NAA40: variants seen among roughly 807,000 people sequenced by gnomAD.
The protein encoded by NAA40 is N-alpha-acetyltransferase 40.
NAA40 carries 26 observed loss-of-function variants against 36.6 expected under a neutral mutation model. That is an observed-to-expected ratio of 0.71 (90% CI 0.52 to 0.98). NAA40 has a LOEUF of 0.98. NAA40 is among the 50% of genes least tolerant of loss of function. The probability of loss-of-function intolerance (pLI) is 0.00; values close to 1 mark genes in which losing one functional copy is unlikely to be tolerated. For synonymous variants in NAA40, 129 were observed against 108.4 expected (o/e 1.19, Z -1.18); for missense variants, 237 against 306.5 (o/e 0.77, Z 1.69).
chr11:63,943,283 C>T lies in NAA40; in HGVS notation c.7-2557C>T, dbSNP rs545831956. Among the ~76,000 whole-genome samples the T allele has an allele frequency of 3.3e-5, 5 of 152,296 alleles. No individual in the cohort carries two copies. In the East Asian group the frequency reaches 9.6e-4, roughly 29 times the overall value. ...GCAGCCCTGGACACCTTCCATCCGA[C>T]GCTTCTCTGTCCCTCACCTCTGCCT... is the stretch of plus-strand genomic sequence containing the variant. On this transcript the variant is annotated intron_variant, in intron 1 of 7. Transcript: ENST00000377793.
rs1942369626 is a variant in NAA40 at position 63,956,636 on chromosome 11, A to C, written c.*2157A>C. 1 of 152,640 alleles carries C rather than the reference A, an allele frequency of 6.6e-6. No individual in the cohort carries two copies. The highest frequency in any genetic ancestry group is 6.6e-5 in the Admixed American group (1 of 15,248). 9.5% of individuals were successfully genotyped at this position (152,640 alleles called of 1,614,324 possible). On this transcript the variant is annotated 3_prime_UTR_variant, in exon 8 of 8. Transcript: ENST00000377793. The stretch of plus-strand genomic sequence containing the variant: ...GTTGGTCTTGAGCCCATTCATTTCC[A>C]AAACATCCATCTTTCTCCACTTCCC...
At chr11:63,952,979 C>A (rs981267309) in intron 6 of NAA40, 140 bp downstream of exon 6, 12 of 577,588 alleles carry the variant, frequency 2.1e-5, no homozygotes, top group Non-Finnish European at 3.7e-5. Context: ...AGAACCCTCT[C>A]AGTAAGATGC....
intron 2 of NAA40, chr11:63,946,558 T>A: frequency 1.7e-6 from 2 of 1,190,338 alleles, no homozygotes; most frequent in South Asian, 3.5e-5. Context: ...CCACTCATAG[T>A]AAACACTCAT....
intron 2 of NAA40, chr11:63,946,695 G>A: frequency 6.7e-7 from 1 of 1,492,400 alleles, no homozygotes; most frequent in South Asian, 1.2e-5. Context: ...TATGCCCACA[G>A]GCTAATGAGG....
rs532678068 is a variant in NAA40, at chr11:63,955,523, G to A, written c.*1044G>A. 1 of 152,884 alleles carries A rather than the reference G, an allele frequency of 6.5e-6. No individual in the cohort carries two copies. Among genetic ancestry groups the A allele is most frequent in the African/African-American group, 2.4e-5 (1 of 41,596 alleles). The allele number at this position is 152,884 out of a possible 1,614,324, so 9.5% of individuals were successfully genotyped here. On this transcript the variant is annotated 3_prime_UTR_variant, in exon 8 of 8. Transcript: ENST00000377793. ...CCCACAGCCACCCTCCCTCTTCAGA[G>A]AGCCCCCAGCCAGCAGCAGGCCCCT...
chr11:63,946,987 A>C lies in NAA40; in HGVS notation c.139A>C (p.Lys47Gln). 6.2e-7 allele frequency: 1 copy of C among 1,614,170 alleles called. No homozygotes were observed. The highest frequency in any genetic ancestry group is 8.5e-7 in the Non-Finnish European group (1 of 1,179,998). Reference protein sequence around the residue: ...DPLEAFPVFKKYDRNGLNVSI... With the variant: ...DPLEAFPVFKQYDRNGLNVSI... ...TCTGGAGGCTTTCCCAGTGTTCAAG[A>C]AATATGATAGAAACGGGTGAGTCAC... Residue 47 changes from lysine to glutamine, a missense_variant, in exon 3 of 8, where the codon AAA becomes CAA. By Grantham distance (53) the Lys-to-Gln change is moderately conservative. Transcript: ENST00000377793.
chr11:63,946,239 T>C (rs1942184737), intron 2 of NAA40: 2 of 339,526 alleles, frequency 5.9e-6, no homozygotes, highest in Non-Finnish European at 1.1e-5. Context: ...AGGGTCTCAC[T>C]CTGTCATCCA....
At chr11:63,949,057 A>G (rs1209446894) in intron 3 of NAA40, among the ~76,000 whole-genome samples, 3 of 152,120 alleles carry the variant, frequency 2.0e-5, no homozygotes, top group Non-Finnish European at 4.4e-5. Flanking sequence ...ATGGTGGCAC[A>G]TGCCTGTATT....
At position 63,952,447 on chromosome 11, in the gene NAA40, C is replaced by A. The variant is rs778997795; in HGVS notation, c.292C>A (p.Arg98=). The A allele has an allele frequency of 6.2e-7, 1 of 1,614,140 alleles. No homozygotes were observed. Among genetic ancestry groups the A allele is most frequent in the Non-Finnish European group, 8.5e-7 (1 of 1,180,020 alleles). Reference sequence around the variant, plus strand: ...GTGGGGCTGGAAGGACCGAGAGAAACGGGAGGAAATGACAGATGACCGAGC... The same window carrying A: ...GTGGGGCTGGAAGGACCGAGAGAAAAGGGAGGAAATGACAGATGACCGAGC... ...SEWGWKDREK[R]EEMTDDRAWY... The change falls in exon 5 of 8, where the codon CGG becomes AGG. Residue 98 remains arginine, a synonymous_variant. Coordinates refer to ENST00000377793, the MANE Select transcript of NAA40 (RefSeq NM_024771.4).
At position 63,946,416 on chromosome 11, in the gene NAA40, G is replaced by A. The variant is rs190412689; in HGVS notation, c.102+481G>A. ...GACGGGGTTTGGCCTTGTTGCCCAG[G>A]ATGGTCTTGAACTCCTGAGCCCAAG... On this transcript the variant is annotated intron_variant, in intron 2 of 7. Coordinates refer to ENST00000377793, the MANE Select transcript of NAA40 (RefSeq NM_024771.4). The A allele has an allele frequency of 8.7e-5, 46 of 531,718 alleles. No homozygotes were observed. In the East Asian group the frequency reaches 3.8e-3, roughly 44 times the overall value. The allele number at this position is 531,718 out of a possible 1,614,324, so 32.9% of individuals were successfully genotyped here. A position where few individuals can be genotyped will look rare whatever the true frequency, so the allele number is the denominator to read the frequency against.
At chr11:63,940,040 CTTTTTTTT>C (rs10618202) in intron 1 of NAA40, among the ~76,000 whole-genome samples, 19 of 77,754 alleles carry the variant, frequency 2.4e-4, no homozygotes, top group South Asian at 1.3e-3. Flanking sequence ...TGGCTGTATT[CTTTTTTTT>C]TTTTTTTTTT....
intron 2 of NAA40, chr11:63,946,453 C>A: frequency 1.1e-6 from 1 of 921,854 alleles, no homozygotes; most frequent in Non-Finnish European, 1.4e-6. Context: ...ATTTCACCTG[C>A]CTTGGCCTCC....
At position 63,939,192 on chromosome 11, in the gene NAA40, C is replaced by T. The variant is rs1350690613; in HGVS notation, c.6+90C>T. Reference sequence around the variant, plus strand: ...GTTCTTAAACCCCCCTCTCACGTGACCCCGACCCCCTCCAGCCTCACGTGA... The same window carrying T: ...GTTCTTAAACCCCCCTCTCACGTGATCCCGACCCCCTCCAGCCTCACGTGA... On this transcript the variant is annotated intron_variant, in intron 1 of 7. Coordinates refer to ENST00000377793, the MANE Select transcript of NAA40 (RefSeq NM_024771.4). 135 of 1,073,392 alleles carry T rather than the reference C, an allele frequency of 1.3e-4. 1 individual carries two copies. In the Admixed American group the frequency reaches 2.2e-3, roughly 17 times the overall value. The allele number at this position is 1,073,392 out of a possible 1,614,324, so 66.5% of individuals were successfully genotyped here. A position where few individuals can be genotyped will look rare whatever the true frequency, so the allele number is the denominator to read the frequency against.
Position 63,953,891 on chromosome 11 carries a change from A to T in NAA40, c.495-81A>T, listed in dbSNP as rs1942319990. The T allele has an allele frequency of 2.4e-5, 31 of 1,270,578 alleles. 1 individual carries two copies. The South Asian group carries it at 3.4e-4, about 14-fold the overall frequency. 78.7% of individuals were successfully genotyped at this position (1,270,578 alleles called of 1,614,324 possible). ...ATGATCCTCCCACCTTTGCCCCTCAAAGTGCTGGGATTACAGGTGCATGCC... is the reference window on the plus strand; with the variant it reads ...ATGATCCTCCCACCTTTGCCCCTCATAGTGCTGGGATTACAGGTGCATGCC... On this transcript the variant is annotated intron_variant, in intron 6 of 7. Coordinates refer to ENST00000377793, the MANE Select transcript of NAA40 (RefSeq NM_024771.4).
chr11:63,946,224 G>A, intron 2 of NAA40: 1 of 385,306 alleles, frequency 2.6e-6, no homozygotes. Flanking sequence ...TCTTTTGTGT[G>A]AGACAGGGTC....
At position 63,952,266 on chromosome 11, in the gene NAA40, GTGTC is replaced by G. The variant is rs1942291655; in HGVS notation, c.187_190del (p.Ser63AspfsTer13). 1 of 1,613,424 alleles carries G rather than the reference GTGTC, an allele frequency of 6.2e-7. No homozygotes were observed. Among genetic ancestry groups the G allele is most frequent in the Non-Finnish European group, 8.5e-7 (1 of 1,179,646 alleles). ...GAATGTCTCCATTGAATGTAAGCGA[GTGTC>G]TGGACTGGAGCCAGCCACCGTGGAT... On this transcript the variant is annotated frameshift_variant, in exon 4 of 8. Transcript: ENST00000377793. LOFTEE classifies it high-confidence loss of function.
chr11:63,954,300 T>G (rs370946600), intron 7 of NAA40, 38 bp from the exon 8 acceptor site: 30 of 1,553,158 alleles, frequency 1.9e-5, no homozygotes, highest in Non-Finnish European at 2.5e-5. Flanking sequence ...GGCACTCAGC[T>G]GCCTGCCACC....
rs1468886281 is a variant in NAA40 at position 63,957,091 on chromosome 11, C to T, written c.*2612C>T. 1.3e-5 allele frequency: 2 copies of T among 150,500 alleles called. No homozygotes were observed. The highest frequency in any genetic ancestry group is 2.1e-4 in the South Asian group (1 of 4,776). 9.3% of individuals were successfully genotyped at this position (150,500 alleles called of 1,614,324 possible). A position where few individuals can be genotyped will look rare whatever the true frequency, so the allele number is the denominator to read the frequency against. Reference sequence around the variant, plus strand: ...TTTTTAAAATTTTAGTTATATCCACCCTATTTCAGGTTATTTTTGTTGGTG... The same window carrying T: ...TTTTTAAAATTTTAGTTATATCCACTCTATTTCAGGTTATTTTTGTTGGTG... On this transcript the variant is annotated 3_prime_UTR_variant, in exon 8 of 8. Coordinates refer to ENST00000377793, the MANE Select transcript of NAA40 (RefSeq NM_024771.4).
At position 63,952,811 on chromosome 11, in the gene NAA40, A is replaced by G; in HGVS notation, c.466A>G (p.Ile156Val). 1 of 1,614,124 alleles carries G rather than the reference A, an allele frequency of 6.2e-7. No individual in the cohort carries two copies. The highest frequency in any genetic ancestry group is 8.5e-7 in the Non-Finnish European group (1 of 1,180,018). Residue 156 changes from isoleucine (I) to valine (V), a missense_variant, in exon 6 of 8, where the codon ATA (isoleucine) becomes GTA (valine). By Grantham distance (29) the Ile-to-Val change is conservative. Coordinates refer to ENST00000377793, the MANE Select transcript of NAA40 (RefSeq NM_024771.4). ...VRRKGLGKFL[I>V]QILQLMANST... ...GCGGAAAGGCCTGGGGAAGTTCCTC[A>G]TACAGATCCTGCAGCTCATGGCCAA...
Sources: allele counts gnomAD v4.1 joint callset (sites outside exome capture counted in the v4.1 genomes callset), GRCh38; gene constraint gnomAD v4.1.1; transcripts MANE v1.5; gene names NCBI Gene and HGNC (gene_info 2026-07-23, HGNC 2026-07-21).